Variants in PI4K2A observed in about 807,000 individuals in gnomAD.
PI4K2A encodes the protein phosphatidylinositol 4-kinase type 2-alpha.
A neutral mutation model predicts 55.0 loss-of-function variants in PI4K2A; 20 were observed. The ratio of observed to expected loss-of-function variants is 0.36; its 90% CI spans 0.26 to 0.53. The LOEUF (loss-of-function observed/expected upper bound fraction) is 0.53. PI4K2A is among the 20% of genes least tolerant of loss of function. The probability of loss-of-function intolerance (pLI) is 0.91; values close to 1 mark genes in which losing one functional copy is unlikely to be tolerated. For missense variants in PI4K2A, 463 were observed against 637.1 expected (o/e 0.73, Z 2.94); for synonymous variants, 235 against 258.5 (o/e 0.91, Z 0.87).
intron 2 of PI4K2A, among the ~76,000 whole-genome samples, chr10:97,651,896 A>T (rs1198706279): frequency 2.0e-5 from 3 of 152,096 alleles, no homozygotes; most frequent in Non-Finnish European, 4.4e-5. Context: ...TATGAGGGGA[A>T]GGAATCTACT....
At chr10:97,665,027 G>T in intron 6 of PI4K2A, 43 bp downstream of exon 6, 1 of 1,225,998 alleles carries the variant, frequency 8.2e-7, no homozygotes, top group South Asian at 1.2e-5. Context: ...CCCTTGCTCA[G>T]TATATTTTCT....
At chr10:97,662,574 C>T (rs2041590625) in intron 4 of PI4K2A, among the ~76,000 whole-genome samples, 1 of 152,216 alleles carries the variant, frequency 6.6e-6, no homozygotes, top group Non-Finnish European at 1.5e-5. Context: ...TTTTGTCTCT[C>T]TAGCTCCACA....
chr10:97,657,090 G>C (rs948096370), intron 4 of PI4K2A, 116 bp downstream of exon 4: 15 of 958,632 alleles, frequency 1.6e-5, no homozygotes, highest in Non-Finnish European at 2.4e-5. Context: ...ATCATGTGTA[G>C]TTTTCAGAAG....
intron 1 of PI4K2A, among the ~76,000 whole-genome samples, chr10:97,642,863 CTT>C (rs10688390): frequency 0.64 from 48,173 of 75,672 alleles, 15,425 homozygotes; most frequent in South Asian, 0.7. Flanking sequence ...TTCTTTCTTT[CTT>C]TTTCTTTCTT....
At chr10:97,644,687 A>C (rs2041495508) in intron 1 of PI4K2A, among the ~76,000 whole-genome samples, 1 of 152,246 alleles carries the variant, frequency 6.6e-6, no homozygotes, top group South Asian at 2.1e-4. Context: ...GAGAGGGTGA[A>C]TATGCCCCCA....
intron 4 of PI4K2A, among the ~76,000 whole-genome samples, chr10:97,658,476 C>A (rs543141291): frequency 6.6e-6 from 1 of 152,150 alleles, no homozygotes; most frequent in African/African-American, 2.4e-5. Context: ...TTAGCTATTA[C>A]GAACAATGCT....
At chr10:97,662,682 G>A (rs553547723) in intron 4 of PI4K2A, among the ~76,000 whole-genome samples, 1 of 152,218 alleles carries the variant, frequency 6.6e-6, no homozygotes, top group Non-Finnish European at 1.5e-5. Flanking sequence ...TGGGCTCCAC[G>A]TCCTCCCATG....
exon 9 of PI4K2A, chr10:97,674,046 G>T: frequency 3.2e-6 from 1 of 314,392 alleles, no homozygotes. Context: ...TTCCTTCCCT[G>T]AAACCCTGCT....
intron 2 of PI4K2A, 128 bp downstream of exon 2, chr10:97,651,269 C>T: frequency 1.5e-6 from 1 of 654,718 alleles, no homozygotes; most frequent in Non-Finnish European, 2.7e-6. Flanking sequence ...GGTTCTCGAT[C>T]TTTTTTCGGG....
chr10:97,666,326 G>A, intron 6 of PI4K2A, 112 bp from the exon 7 acceptor site: 1 of 909,440 alleles, frequency 1.1e-6, no homozygotes. Context: ...TGTTTCTGTT[G>A]TATGTCAGGG....
chr10:97,649,287 T>G (rs1252599968), intron 1 of PI4K2A, among the ~76,000 whole-genome samples: 1 of 152,144 alleles, frequency 6.6e-6, no homozygotes, highest in Non-Finnish European at 1.5e-5. Context: ...CTGGAGGGAA[T>G]TAGATGAATG....
chr10:97,641,125 A>C (rs1366105946), exon 1 of PI4K2A: 1 of 1,608,444 alleles, frequency 6.2e-7, no homozygotes. Flanking sequence ...ATCTTTCCCG[A>C]GCGCATCTAC....
chr10:97,648,154 C>T (rs1365041202), intron 1 of PI4K2A, among the ~76,000 whole-genome samples: 3 of 146,312 alleles, frequency 2.1e-5, no homozygotes, highest in Admixed American at 7.0e-5. Flanking sequence ...AGTGCAATGG[C>T]ATGATCTCGG....
intron 1 of PI4K2A, among the ~76,000 whole-genome samples, chr10:97,642,825 T>G (rs2041478355): frequency 1.9e-4 from 1 of 5,192 alleles, no homozygotes; most frequent in African/African-American, 3.3e-4. Context: ...CTTCCTTCCT[T>G]CCTTCCTTCC....
intron 1 of PI4K2A, among the ~76,000 whole-genome samples, chr10:97,649,937 T>G (rs1305115109): frequency 6.6e-6 from 1 of 152,092 alleles, no homozygotes; most frequent in Admixed American, 6.6e-5. Context: ...AATACCTTCT[T>G]TACTTCCTTC....
At chr10:97,642,061 T>G (rs1389748451) in intron 1 of PI4K2A, among the ~76,000 whole-genome samples, 1 of 152,138 alleles carries the variant, frequency 6.6e-6, no homozygotes, top group African/African-American at 2.4e-5. Flanking sequence ...TCAGGGAAAT[T>G]TTCAGGTGTG....
At chr10:97,660,129 G>A (rs2041573992) in intron 4 of PI4K2A, among the ~76,000 whole-genome samples, 1 of 150,526 alleles carries the variant, frequency 6.6e-6, no homozygotes, top group Non-Finnish European at 1.5e-5. Context: ...AGCCTCCCGA[G>A]TAGCTGGGAC....
chr10:97,673,691 G>C, exon 9 of PI4K2A: 4 of 1,614,142 alleles, frequency 2.5e-6, no homozygotes, highest in South Asian at 2.2e-5. Context: ...CTTCTAGCGA[G>C]TCCTACACAC....
At chr10:97,653,314 T>TGG (rs1001588437) in intron 2 of PI4K2A, among the ~76,000 whole-genome samples, 2 of 152,188 alleles carry the variant, frequency 1.3e-5, no homozygotes, top group African/African-American at 4.8e-5. Context: ...GTGTAACACT[T>TGG]GGGCAAGTCA....
Sources: allele counts gnomAD v4.1 joint callset (sites outside exome capture counted in the v4.1 genomes callset), GRCh38; gene constraint gnomAD v4.1.1; transcripts MANE v1.5; gene names NCBI Gene and HGNC (gene_info 2026-07-23, HGNC 2026-07-21).